The following PIGU variants were observed in gnomAD, a reference collection of about 807,000 sequenced individuals.
PIGU encodes the protein GPI-anchor transamidase component PIGU.
A neutral mutation model predicts 49.9 loss-of-function variants in PIGU; 24 were observed. The ratio of observed to expected loss-of-function variants is 0.48; its 90% CI spans 0.35 to 0.68. The LOEUF (loss-of-function observed/expected upper bound fraction) is 0.68, where lower values mean the gene tolerates loss of function less well. Ranked by LOEUF, PIGU falls within the 30% of genes least tolerant of loss-of-function variation. PIGU has a pLI of 0.01. For synonymous variants in PIGU, 220 were observed against 205.7 expected, an observed-to-expected ratio of 1.07 and a Z score of -0.59; for missense variants, 490 against 532.6, an observed-to-expected ratio of 0.92 and a Z score of 0.79.
rs1330799694 is a variant in PIGU at position 34,655,130 on chromosome 20, G to C, written c.195+2050C>G. Reference sequence around the variant, plus strand: ...AAGACCAGCCTGGGCAACATAGCAAGACCCCATCTCTACAAAGAAATTTTT... The same window carrying C: ...AAGACCAGCCTGGGCAACATAGCAACACCCCATCTCTACAAAGAAATTTTT... On this transcript the variant is annotated intron_variant, in intron 2 of 11. Coordinates refer to ENST00000217446, the MANE Select transcript of PIGU (RefSeq NM_080476.5). Among the ~76,000 whole-genome samples, 2 of 118,604 alleles carry C rather than the reference G, an allele frequency of 1.7e-5. 1 individual carries two copies. Among genetic ancestry groups the C allele is most frequent in the Non-Finnish European group, 3.6e-5 (2 of 55,896 alleles). 77.8% of individuals were successfully genotyped at this position (118,604 alleles called of 152,430 possible). A position where few individuals can be genotyped will look rare whatever the true frequency, so the allele number is the denominator to read the frequency against.
chr20:34,658,373 C>A (rs1444088388), intron 1 of PIGU, among the ~76,000 whole-genome samples: 2 of 152,226 alleles, frequency 1.3e-5, no homozygotes, highest in Non-Finnish European at 2.9e-5. Context: ...CCTGCCTTGG[C>A]CTCCCAAAGT....
At chr20:34,633,241 A>G (rs1055699261) in intron 6 of PIGU, among the ~76,000 whole-genome samples, 4 of 152,278 alleles carry the variant, frequency 2.6e-5, no homozygotes, top group African/African-American at 4.8e-5. Context: ...AGGAGGGTGG[A>G]TCGCTTAAGT....
At chr20:34,595,681 A>G (rs1017422501) in intron 7 of PIGU, among the ~76,000 whole-genome samples, 1 of 152,240 alleles carries the variant, frequency 6.6e-6, no homozygotes, top group Non-Finnish European at 1.5e-5. Flanking sequence ...ATTAAAATCA[A>G]CCAATATGTG....
intron 11 of PIGU, among the ~76,000 whole-genome samples, chr20:34,574,514 G>A (rs935127168): frequency 6.6e-6 from 1 of 152,102 alleles, no homozygotes; most frequent in African/African-American, 2.4e-5. Context: ...GCTCCTTGCT[G>A]GTACTCCTCA....
chr20:34,573,015 T>C (rs1983077839), intron 11 of PIGU, among the ~76,000 whole-genome samples: 2 of 152,154 alleles, frequency 1.3e-5, no homozygotes, highest in Admixed American at 1.3e-4. Context: ...CATAGTCTTT[T>C]TATTTTTTAT....
intron 1 of PIGU, among the ~76,000 whole-genome samples, chr20:34,661,412 G>C (rs373855557): frequency 1.2e-4 from 19 of 152,140 alleles, no homozygotes; most frequent in African/African-American, 4.6e-4. Flanking sequence ...CTTTCTTTGT[G>C]TCCATGTGTA....
chr20:34,581,446 C>T (rs1008588622), intron 10 of PIGU, 102 bp downstream of exon 10: 15 of 1,458,102 alleles, frequency 1.0e-5, no homozygotes, highest in Non-Finnish European at 1.4e-5. Flanking sequence ...GTGCTGCCAG[C>T]ATAACAGGTG....
chr20:34,590,580 A>ACATAT (rs1983918508), intron 7 of PIGU, among the ~76,000 whole-genome samples: 1 of 86,916 alleles, frequency 1.2e-5, no homozygotes, highest in African/African-American at 3.8e-5. Context: ...GCGTAACGTA[A>ACATAT]CATAACATAA....
intron 10 of PIGU, among the ~76,000 whole-genome samples, chr20:34,581,007 G>A (rs1021002367): frequency 1.1e-4 from 17 of 152,168 alleles, no homozygotes; most frequent in African/African-American, 4.1e-4. Context: ...GTCTAGTATG[G>A]TAGCCTAGCT....
At chr20:34,637,089 C>T (rs148499145) in intron 5 of PIGU, among the ~76,000 whole-genome samples, 20 of 152,244 alleles carry the variant, frequency 1.3e-4, no homozygotes, top group African/African-American at 2.9e-4. Context: ...TAGCAGGTGA[C>T]GTTCAAGAAG....
chr20:34,572,075 C>A (rs1983035747), intron 11 of PIGU, among the ~76,000 whole-genome samples: 1 of 152,138 alleles, frequency 6.6e-6, no homozygotes, highest in Non-Finnish European at 1.5e-5. Flanking sequence ...TGCATATGCC[C>A]CCTGACCCAG....
intron 4 of PIGU, among the ~76,000 whole-genome samples, chr20:34,640,904 A>T (rs149562449): frequency 0.011 from 1,676 of 152,040 alleles, 41 homozygotes; most frequent in African/African-American, 0.039. Context: ...AAAGGGCTTT[A>T]TTTTCTTGGA....
At chr20:34,565,079 G>A (rs1349656203) in intron 11 of PIGU, among the ~76,000 whole-genome samples, 3 of 152,254 alleles carry the variant, frequency 2.0e-5, no homozygotes, top group Non-Finnish European at 1.5e-5. Flanking sequence ...CACAGCAGCT[G>A]CAGACCCAGA....
chr20:34,663,018 C>T (rs944719088), intron 1 of PIGU, among the ~76,000 whole-genome samples: 1 of 152,094 alleles, frequency 6.6e-6, no homozygotes, highest in African/African-American at 2.4e-5. Context: ...AGCGATCATC[C>T]CACCTCAGCC....
intron 6 of PIGU, among the ~76,000 whole-genome samples, chr20:34,623,015 C>T (rs1189429519): frequency 6.6e-6 from 1 of 152,106 alleles, no homozygotes; most frequent in Non-Finnish European, 1.5e-5. Flanking sequence ...AGGGACTGCA[C>T]CTCACAGCGA....
intron 1 of PIGU, among the ~76,000 whole-genome samples, chr20:34,659,445 G>A (rs1370709963): frequency 2.1e-5 from 3 of 139,898 alleles, no homozygotes; most frequent in African/African-American, 5.4e-5. Context: ...TCAGCCCCCG[G>A]CCCGGCCAGC....
intron 6 of PIGU, among the ~76,000 whole-genome samples, chr20:34,631,748 T>C (rs1476796798): frequency 0.028 from 83 of 2,920 alleles, 10 homozygotes; most frequent in African/African-American, 0.14. Context: ...TATATATATA[T>C]ATATATATAT....
intron 2 of PIGU, 93 bp from the exon 3 acceptor site, chr20:34,645,427 C>T: frequency 7.2e-7 from 1 of 1,387,510 alleles, no homozygotes; most frequent in Non-Finnish European, 9.4e-7. Context: ...ACTATTATGT[C>T]AGCAAACTAT....
chr20:34,637,781 A>C, intron 5 of PIGU, 95 bp downstream of exon 5: 1 of 1,579,388 alleles, frequency 6.3e-7, no homozygotes, highest in Non-Finnish European at 8.6e-7. Context: ...CTAAGATTGC[A>C]AATCTCCAAA....
Sources: gnomAD v4.1 joint callset for allele counts (sites outside exome capture counted in the v4.1 genomes callset) on GRCh38, gnomAD v4.1.1 for gene constraint, MANE v1.5 for transcripts, NCBI Gene and HGNC (gene_info 2026-07-23, HGNC 2026-07-21) for gene names.